Variants in MCFD2 observed in about 807,000 individuals in gnomAD.
MCFD2 encodes multiple coagulation factor deficiency protein 2.
In MCFD2, 11 loss-of-function variants were observed where a neutral mutation model predicts 12.8. That is an observed-to-expected ratio of 0.86 (90% confidence interval 0.54 to 1.42). MCFD2 has a LOEUF of 1.42. Ranked by LOEUF, MCFD2 falls within the 40% of genes most tolerant of loss-of-function variation. The probability of loss-of-function intolerance (pLI) is 0.00; values close to 1 mark genes in which losing one functional copy is unlikely to be tolerated. For missense variants in MCFD2, 191 were observed against 178.6 expected (o/e 1.07, Z -0.40); for synonymous variants, 70 against 68.1 (o/e 1.03, Z -0.14).
chr2:46,918,017 T>C (rs1174218079), upstream of MCFD2, among the ~76,000 whole-genome samples: 2 of 152,222 alleles, frequency 1.3e-5, no homozygotes, highest in Admixed American at 1.3e-4. Flanking sequence ...GTGCTTTAGA[T>C]ACCATTTATA....
chr2:46,923,089 T>C (rs939919588), intron 1 of MCFD2, among the ~76,000 whole-genome samples: 7 of 152,132 alleles, frequency 4.6e-5, no homozygotes, highest in African/African-American at 1.4e-4. Context: ...CCCCATGGAG[T>C]TGGAGTGCAC....
At chr2:46,905,735 A>C in intron 3 of MCFD2, 141 bp from the exon 4 acceptor site, 2 of 879,946 alleles carry the variant, frequency 2.3e-6, no homozygotes, top group Non-Finnish European at 3.6e-6. Flanking sequence ...AAACAACAAA[A>C]TATCCACGCT....
At chr2:46,916,159 C>T (rs978468330), upstream of MCFD2, 3 of 985,526 alleles carry the variant, frequency 3.0e-6, no homozygotes, top group Non-Finnish European at 3.6e-6. Flanking sequence ...CTCACCCCCT[C>T]CTATACAGGG....
chr2:46,917,499 G>C (rs1158807699), upstream of MCFD2, among the ~76,000 whole-genome samples: 2 of 152,060 alleles, frequency 1.3e-5, no homozygotes, highest in African/African-American at 4.8e-5. Context: ...TATGTACTAG[G>C]CGCTCTACTA....
chr2:46,921,930 C>A (rs974359706), intron 1 of MCFD2, among the ~76,000 whole-genome samples: 1 of 152,212 alleles, frequency 6.6e-6, no homozygotes, highest in Admixed American at 6.5e-5. Flanking sequence ...CCAGTGCTCA[C>A]TTCCTGCTGT....
upstream of MCFD2, chr2:46,917,307 C>G (rs1452486659): frequency 3.1e-6 from 2 of 648,790 alleles, no homozygotes; most frequent in African/African-American, 3.7e-5. Context: ...CAAAGAATCC[C>G]TAAGTTTTGA....
chr2:46,929,392 C>T (rs1040693177), intron 1 of MCFD2, among the ~76,000 whole-genome samples: 1 of 151,888 alleles, frequency 6.6e-6, no homozygotes, highest in Non-Finnish European at 1.5e-5. Context: ...GAGGCTGAGG[C>T]AGGATTGCTT....
intron 1 of MCFD2, among the ~76,000 whole-genome samples, chr2:46,912,997 T>A (rs1441703915): frequency 2.6e-5 from 4 of 152,184 alleles, no homozygotes; most frequent in East Asian, 1.9e-4. Context: ...GCTTAGTATA[T>A]CAATTTGGTG....
chr2:46,933,860 G>C (rs1406586577), intron 1 of MCFD2, among the ~76,000 whole-genome samples: 1 of 152,216 alleles, frequency 6.6e-6, no homozygotes, highest in African/African-American at 2.4e-5. Context: ...GCACTGGTCA[G>C]AAATCTAGCA....
chr2:46,941,851 A>C lies in MCFD2; in HGVS notation c.-287T>G. On this transcript the variant is annotated 5_prime_UTR_variant, in exon 1 of 3. Transcript: ENST00000409147. The surrounding 1 kb of genome is among the most constrained non-coding windows in gnomAD (Gnocchi z 4.2). Reference sequence around the variant, plus strand: ...CTGCCAGCCCACCGTGCTAGTCTTAAGAGCAGCCAGGGCAGTTAGGAAGGT... The same window carrying C: ...CTGCCAGCCCACCGTGCTAGTCTTACGAGCAGCCAGGGCAGTTAGGAAGGT... 1 of 1,251,836 alleles carries C rather than the reference A, an allele frequency of 8.0e-7. No individual in the cohort carries two copies. The highest frequency in any genetic ancestry group is 1.4e-5 in the South Asian group (1 of 69,844). The allele number at this position is 1,251,836 out of a possible 1,614,324, so 77.5% of individuals were successfully genotyped here.
chr2:46,936,414 T>G (rs971723237), intron 1 of MCFD2, among the ~76,000 whole-genome samples: 1 of 152,148 alleles, frequency 6.6e-6, no homozygotes, highest in Non-Finnish European at 1.5e-5. Flanking sequence ...ACGTGTCTTA[T>G]TTTGTCTTTA....
chr2:46,922,195 G>A (rs1460595695), intron 1 of MCFD2, among the ~76,000 whole-genome samples: 4 of 152,070 alleles, frequency 2.6e-5, no homozygotes, highest in Non-Finnish European at 5.9e-5. Flanking sequence ...GATTTTAACC[G>A]TGGAGTATTT....
chr2:46,929,693 T>C (rs374910321), intron 1 of MCFD2, among the ~76,000 whole-genome samples: 5 of 152,038 alleles, frequency 3.3e-5, no homozygotes, highest in African/African-American at 9.7e-5. Context: ...AGATTGAAAA[T>C]TAATGAGCTG....
At chr2:46,914,762 G>A (rs1251122828) in intron 1 of MCFD2, among the ~76,000 whole-genome samples, 1 of 152,162 alleles carries the variant, frequency 6.6e-6, no homozygotes, top group East Asian at 1.9e-4. Flanking sequence ...GGATAAGAAG[G>A]ATTATTTCAA....
intron 1 of MCFD2, among the ~76,000 whole-genome samples, chr2:46,924,236 CA>C (rs754779483): frequency 1.2e-3 from 167 of 142,364 alleles, no homozygotes; most frequent in Middle Eastern, 3.8e-3. Context: ...CTAAAGGAAC[CA>C]AAAAAAAAAA....
Position 46,921,773 on chromosome 2 carries a change from T to TA in MCFD2, c.-7-13805dup, listed in dbSNP as rs1427514202. On this transcript the variant is annotated intron_variant, in intron 1 of 2. Transcript: ENST00000409147. ...CTACCTCAGATCATCAGGCATTAGT[T>TA]AGATTCTCATAAGGAGTGTGCAACC... is the stretch of plus-strand genomic sequence containing the variant. 5.3e-5 allele frequency among the ~76,000 whole-genome samples: 8 copies of TA among 152,304 alleles called. No homozygotes were observed. The South Asian group carries it at 1.0e-3, about 20-fold the overall frequency.
At chr2:46,930,780 G>A (rs866875871) in intron 1 of MCFD2, among the ~76,000 whole-genome samples, 5 of 152,072 alleles carry the variant, frequency 3.3e-5, no homozygotes, top group African/African-American at 9.7e-5. Context: ...GATTACAGGC[G>A]TGAGCCACCG....
At chr2:46,918,499 G>A (rs944819326), upstream of MCFD2, among the ~76,000 whole-genome samples, 1 of 152,196 alleles carries the variant, frequency 6.6e-6, no homozygotes, top group African/African-American at 2.4e-5. Flanking sequence ...CCATTTTATA[G>A]GTGGGTGTTC....
intron 1 of MCFD2, among the ~76,000 whole-genome samples, chr2:46,924,517 G>C (rs1474173587): frequency 2.0e-5 from 3 of 152,068 alleles, no homozygotes; most frequent in Admixed American, 2.0e-4. Flanking sequence ...AAAATATATT[G>C]AGTATGAGTG....
Sources: gnomAD v4.1 joint callset for allele counts (sites outside exome capture counted in the v4.1 genomes callset) on GRCh38, gnomAD v4.1.1 for gene constraint, Gnocchi (gnomAD v3.1) non-coding constraint, MANE v1.5 for transcripts, NCBI Gene and HGNC (gene_info 2026-07-23, HGNC 2026-07-21) for gene names.